Variants in PTPRN2 observed in about 807,000 individuals in gnomAD.
PTPRN2 encodes receptor-type tyrosine-protein phosphatase N2.
In PTPRN2, 74 loss-of-function variants were observed where a neutral mutation model predicts 118.8. The observed-to-expected ratio is 0.62, with a 90% CI of 0.52 to 0.76. The LOEUF is 0.76. Among genes scored for constraint, PTPRN2 ranks in the 30% least tolerant of loss-of-function variants. PTPRN2 has a pLI of 0.00. For synonymous variants in PTPRN2, 641 were observed against 608.0 expected (o/e 1.05, Z -0.80); for missense variants, 1,481 against 1,394.4 (o/e 1.06, Z -0.99).
chr7:157,710,039 A>C (rs1798523941), intron 12 of PTPRN2, among the ~76,000 whole-genome samples: 1 of 152,120 alleles, frequency 6.6e-6, no homozygotes, highest in Non-Finnish European at 1.5e-5. Flanking sequence ...TGGGGGTCGG[A>C]CGCATGGGTG....
At position 158,081,544 on chromosome 7, in the gene PTPRN2, A is replaced by C. The variant is rs1386055077; in HGVS notation, c.1644-167T>G. 3.9e-5 allele frequency among the ~76,000 whole-genome samples: 6 copies of C among 152,246 alleles called. No individual in the cohort carries two copies. In the East Asian group the frequency reaches 1.2e-3, roughly 29 times the overall value. ...GACGTCGGTTTTCCTTCACACCATGACCTTTGTTTCCATTTGCCAGGAATT... is the reference window on the plus strand; with the variant it reads ...GACGTCGGTTTTCCTTCACACCATGCCCTTTGTTTCCATTTGCCAGGAATT... On this transcript the variant is annotated intron_variant, in intron 10 of 22. Coordinates refer to ENST00000389418, the MANE Select transcript of PTPRN2 (RefSeq NM_002847.5).
intron 10 of PTPRN2, among the ~76,000 whole-genome samples, chr7:158,084,104 A>C (rs1339403348): frequency 6.6e-6 from 1 of 152,120 alleles, no homozygotes; most frequent in East Asian, 1.9e-4. Flanking sequence ...TTGGCCTAGG[A>C]GACCCTGGTT....
At chr7:157,649,340 A>G (rs7807622) in intron 14 of PTPRN2, among the ~76,000 whole-genome samples, 770 of 26,770 alleles carry the variant, frequency 0.029, 27 homozygotes, top group Admixed American at 0.066. Context: ...CACTGAACTC[A>G]GTGGGTCAGA....
intron 12 of PTPRN2, chr7:157,866,132 C>T (rs567390224): frequency 7.9e-5 from 12 of 152,210 alleles, no homozygotes; most frequent in Non-Finnish European, 1.6e-4. Context: ...TTTCCTTCTA[C>T]ACAAACACCA....
intron 12 of PTPRN2, among the ~76,000 whole-genome samples, chr7:157,858,639 T>C (rs1354581120): frequency 1.8e-4 from 1 of 5,556 alleles, no homozygotes; most frequent in African/African-American, 2.0e-3. Flanking sequence ...CCACCCACAC[T>C]CCTGCAGGGA....
Position 158,167,225 on chromosome 7 carries a change from G to A in PTPRN2, c.616C>T (p.Pro206Ser). The A allele has an allele frequency of 1.9e-6, 3 of 1,613,476 alleles. No individual in the cohort carries two copies. The highest frequency in any genetic ancestry group is 2.5e-6 in the Non-Finnish European group (3 of 1,179,898). Residue 206 changes from proline (P) to serine (S), a missense_variant, in exon 6 of 23, where the codon CCC becomes TCC. By Grantham distance (74) the Pro-to-Ser change is moderately conservative. Around this residue, in one of 3 missense-constraint regions of PTPRN2, gnomAD observed 1,115 missense variants for 994.2 expected, o/e 1.12. Coordinates refer to ENST00000389418, the MANE Select transcript of PTPRN2 (RefSeq NM_002847.5). ...VAHTSALTYP[P>S]GSRTQLREDL... ...TCGCGGAGCTGGGTCCGGGACCCGG[G>A]AGGGTAGGTCAGCGCAGACGTGTGG... is the stretch of plus-strand genomic sequence containing the variant.
intron 10 of PTPRN2, among the ~76,000 whole-genome samples, chr7:158,101,969 C>G (rs1815261597): frequency 6.6e-6 from 1 of 152,162 alleles, no homozygotes; most frequent in African/African-American, 2.4e-5. Context: ...CCTGAGGTCC[C>G]AGGATCTGCT....
At position 157,787,691 on chromosome 7, in the gene PTPRN2, G is replaced by T. The variant is rs1180566103; in HGVS notation, c.1789-104754C>A. 6.6e-6 allele frequency among the ~76,000 whole-genome samples: 1 copy of T among 152,182 alleles called. No homozygotes were observed. Among genetic ancestry groups the T allele is most frequent in the Non-Finnish European group, 1.5e-5 (1 of 68,024 alleles). ...CTGAACACCTGCTCTGTGGGAGACG[G>T]GGTGGTGTTTGAGCTGGTGCCATCT... On this transcript the variant is annotated intron_variant, in intron 12 of 22. Transcript: ENST00000389418. This position sits in a 1 kb window ranked among gnomAD's most constrained non-coding sequence, Gnocchi z 5.3.
chr7:157,941,472 C>A (rs4999411), intron 11 of PTPRN2, among the ~76,000 whole-genome samples: 116,771 of 134,042 alleles, frequency 0.87, 50,936 homozygotes, highest in African/African-American at 0.89. Flanking sequence ...CAAATATAAC[C>A]CCCTCCCCCC....
In PTPRN2 at chr7:158,526,407, G is replaced by A. The variant is rs570326143; in HGVS notation, c.113-36622C>T. 3.4e-4 allele frequency among the ~76,000 whole-genome samples: 51 copies of A among 152,198 alleles called. No individual in the cohort carries two copies. The highest frequency in any genetic ancestry group is 1.0e-3 in the African/African-American group (43 of 41,454). On this transcript the variant is annotated intron_variant, in intron 1 of 22. Transcript: ENST00000389418. The surrounding 1 kb of genome is among the most constrained non-coding windows in gnomAD (Gnocchi z 5.2). ...ACCACCAGCCACTCTGAGCTAGGAC[G>A]GGGCACAGGCAACCACGTTCCCACA...
chr7:158,113,651 A>G (rs1352764907), intron 9 of PTPRN2, among the ~76,000 whole-genome samples: 2 of 152,202 alleles, frequency 1.3e-5, no homozygotes, highest in Non-Finnish European at 2.9e-5. Flanking sequence ...GCGCAGCTGC[A>G]CTAGCTGGAG....
intron 6 of PTPRN2, among the ~76,000 whole-genome samples, chr7:158,156,532 C>T (rs886468922): frequency 2.0e-5 from 3 of 152,202 alleles, no homozygotes; most frequent in African/African-American, 4.8e-5. Context: ...TGCAGAAACG[C>T]CCTCGTAATG....
intron 11 of PTPRN2, among the ~76,000 whole-genome samples, chr7:158,058,366 A>G (rs34848773): frequency 0.23 from 20,572 of 89,614 alleles, 1,175 homozygotes; most frequent in African/African-American, 0.31. Flanking sequence ...CCACGGTGAC[A>G]CATCACTGCA....
intron 11 of PTPRN2, among the ~76,000 whole-genome samples, chr7:158,066,105 A>C (rs1810753201): frequency 1.3e-5 from 2 of 152,196 alleles, no homozygotes; most frequent in Non-Finnish European, 2.9e-5. Flanking sequence ...AAATCACATA[A>C]TATGCTGCTT....
chr7:157,892,304 T>C (rs900312299), intron 12 of PTPRN2, among the ~76,000 whole-genome samples: 1 of 152,230 alleles, frequency 6.6e-6, no homozygotes, highest in Non-Finnish European at 1.5e-5. Context: ...TTCCAAACTT[T>C]TGAGTTTTGC....
chr7:158,381,146 G>A lies in PTPRN2; in HGVS notation c.164-64214C>T, dbSNP rs73516626. Among the ~76,000 whole-genome samples the A allele has an allele frequency of 5.6e-3, 856 of 152,340 alleles. 6 individuals carry two copies. Among genetic ancestry groups the A allele is most frequent in the African/African-American group, 0.019 (799 of 41,582 alleles). ...GAGACATTTTCCCTATTGTCTCAGG[G>A]ATTCACATTTGGCTCCTTGTTACTT... On this transcript the variant is annotated intron_variant, in intron 2 of 22. Coordinates refer to ENST00000389418, the MANE Select transcript of PTPRN2 (RefSeq NM_002847.5).
At chr7:158,413,075 TCAGCGCCCTCCTCAGCTCCAGGACCCATC>T (rs1814329450) in intron 2 of PTPRN2, among the ~76,000 whole-genome samples, 1 of 129,676 alleles carries the variant, frequency 7.7e-6, no homozygotes, top group Non-Finnish European at 1.6e-5. Context: ...AGGGCCCGTC[TCAGCGCCCTCCTCAGCTCCAGGACCCATC>T]CAGCACCCTC....
At chr7:158,582,410 G>A (rs183182449) in intron 1 of PTPRN2, among the ~76,000 whole-genome samples, 202 of 152,026 alleles carry the variant, frequency 1.3e-3, no homozygotes, top group African/African-American at 3.3e-3. Context: ...TTTCTTCACC[G>A]CTCCACGCAC....
intron 11 of PTPRN2, among the ~76,000 whole-genome samples, chr7:157,916,427 C>T (rs765390897): frequency 6.6e-6 from 1 of 152,226 alleles, no homozygotes; most frequent in African/African-American, 2.4e-5. Flanking sequence ...TGAGGTGGCT[C>T]CTCATGGACT....
Sources: gnomAD v4.1 joint callset for allele counts (sites outside exome capture counted in the v4.1 genomes callset) on GRCh38, gnomAD v4.1.1 for gene constraint, gnomAD v4.1.1 regional missense constraint, Gnocchi (gnomAD v3.1) non-coding constraint, MANE v1.5 for transcripts, NCBI Gene and HGNC (gene_info 2026-07-23, HGNC 2026-07-21) for gene names.